The following NELFB variants were observed in gnomAD, a reference collection of about 807,000 sequenced individuals.
NELFB encodes the protein negative elongation factor B.
A neutral mutation model predicts 60.2 loss-of-function variants in NELFB; 34 were observed. The ratio of observed to expected loss-of-function variants is 0.56; its 90% confidence interval spans 0.43 to 0.75. The LOEUF (loss-of-function observed/expected upper bound fraction) is 0.75. Among genes scored for constraint, NELFB ranks in the 30% least tolerant of loss-of-function variants. The pLI, the probability that NELFB is intolerant of heterozygous loss-of-function variation, is 0.00. For synonymous variants in NELFB, 459 were observed against 382.1 expected (o/e 1.20, Z -2.35); for missense variants, 770 against 831.6 (o/e 0.93, Z 0.91).
At position 137,265,924 on chromosome 9, in the gene NELFB, C is replaced by T. The variant is rs752590442; in HGVS notation, c.1088C>T (p.Ala363Val). Residue 363 changes from alanine to valine, a missense_variant, in exon 7 of 13, where the codon GCA becomes GTA. Coordinates refer to ENST00000343053, the MANE Select transcript of NELFB (RefSeq NM_015456.5). Reference sequence around the variant, plus strand: ...GACCCCTTCGCCATCAACACGCTGGCACTGAGCACAGTCAGGCACCTGCAG... The same window carrying T: ...GACCCCTTCGCCATCAACACGCTGGTACTGAGCACAGTCAGGCACCTGCAG... 18 of 1,613,226 alleles carry T rather than the reference C, an allele frequency of 1.1e-5. No individual in the cohort carries two copies. The highest frequency in any genetic ancestry group is 1.5e-5 in the Non-Finnish European group (18 of 1,179,934).
At chr9:137,272,030 C>T in intron 10 of NELFB, 51 bp from the exon 11 acceptor site, 1 of 1,610,782 alleles carries the variant, frequency 6.2e-7, no homozygotes, top group Non-Finnish European at 8.5e-7. Context: ...AGGGTGCCCT[C>T]TGGGGTGGGC....
At chr9:137,259,604 C>T (rs1263662894) in intron 4 of NELFB, among the ~76,000 whole-genome samples, 4 of 151,988 alleles carry the variant, frequency 2.6e-5, no homozygotes, top group African/African-American at 7.3e-5. Flanking sequence ...GGAAATCAGT[C>T]GGCTTGGTCG....
At chr9:137,263,991 C>T (rs972348847) in intron 5 of NELFB, among the ~76,000 whole-genome samples, 2 of 152,238 alleles carry the variant, frequency 1.3e-5, no homozygotes, top group Non-Finnish European at 1.5e-5. Context: ...TGGCCACCCC[C>T]ACACTCAGGG....
At chr9:137,266,524 C>G in intron 8 of NELFB, 98 bp downstream of exon 8, 1 of 1,015,358 alleles carries the variant, frequency 9.8e-7, no homozygotes, top group Non-Finnish European at 1.5e-6. Flanking sequence ...TTGTGGAGGC[C>G]CCTTTGGTCC....
At chr9:137,266,122 C>A in intron 7 of NELFB, 143 bp downstream of exon 7, 1 of 785,790 alleles carries the variant, frequency 1.3e-6, no homozygotes, top group South Asian at 1.6e-5. Flanking sequence ...CTCTGGTGGT[C>A]GGGGATGTGG....
At chr9:137,257,754 G>A (rs559853453) in intron 4 of NELFB, among the ~76,000 whole-genome samples, 92 of 151,188 alleles carry the variant, frequency 6.1e-4, no homozygotes, top group Non-Finnish European at 1.2e-3. Context: ...CGCCCCCCTC[G>A]GCCTCCCAAA....
chr9:137,267,148 G>C (rs1374404800), intron 9 of NELFB, 62 bp downstream of exon 9: 7 of 1,611,926 alleles, frequency 4.3e-6, no homozygotes, highest in Non-Finnish European at 5.9e-6. Flanking sequence ...CTGTTGCCCA[G>C]GGGGCTGCCT....
chr9:137,272,007 G>A, intron 10 of NELFB, 74 bp from the exon 11 acceptor site: 1 of 1,588,606 alleles, frequency 6.3e-7, no homozygotes, highest in Non-Finnish European at 8.6e-7. Context: ...AGGTTCTGAG[G>A]TCTTTGAGGA....
Position 137,263,186 on chromosome 9 carries a change from C to T in NELFB, c.891C>T (p.Asp297=), listed in dbSNP as rs762855567. ...TGCTCATGTCCCTGCACGACCTGGA[C>T]GTGGGTGAAATCTGCACCGTGGACC... The change falls in exon 5 of 13, where the codon GAC becomes GAT. Residue 297 remains aspartate (D), a synonymous_variant. Transcript: ENST00000343053. 23 of 1,613,442 alleles carry T rather than the reference C, an allele frequency of 1.4e-5. No homozygotes were observed. Among genetic ancestry groups the T allele is most frequent in the East Asian group, 1.1e-4 (5 of 44,888 alleles).
At chr9:137,272,644 G>T in intron 12 of NELFB, 29 bp downstream of exon 12, 2 of 1,561,164 alleles carry the variant, frequency 1.3e-6, no homozygotes, top group East Asian at 2.4e-5. Context: ...TGCATCTGAA[G>T]GCACCTGGTC....
intron 4 of NELFB, among the ~76,000 whole-genome samples, chr9:137,258,237 C>T (rs1308815434): frequency 1.1e-4 from 17 of 150,410 alleles, no homozygotes; most frequent in Non-Finnish European, 8.9e-5. Flanking sequence ...AATCCTCCTA[C>T]CTCAGTCTCC....
intron 10 of NELFB, among the ~76,000 whole-genome samples, chr9:137,270,794 G>A (rs1830575428): frequency 2.6e-5 from 4 of 151,780 alleles, no homozygotes; most frequent in Admixed American, 2.6e-4. Flanking sequence ...GGTGGCGCAC[G>A]CGTGTAATCC....
Position 137,255,341 on chromosome 9 carries a change from C to CGCGGAGTCGCGCGGCGG in NELFB, c.-20_-4dup, listed in dbSNP as rs1157190001. On this transcript the variant is annotated 5_prime_UTR_variant, in exon 1 of 13. Coordinates refer to ENST00000343053, the MANE Select transcript of NELFB (RefSeq NM_015456.5). ...CGGAAGTGGGCGGCTGCGGGACGCG[C>CGCGGAGTCGCGCGGCGG]GCGGAGTCGCGCGGCGGGCGGGACC... is the stretch of plus-strand genomic sequence containing the variant. 3 of 369,692 alleles carry CGCGGAGTCGCGCGGCGG rather than the reference C, an allele frequency of 8.1e-6. No homozygotes were observed. The highest frequency in any genetic ancestry group is 1.4e-5 in the Non-Finnish European group (3 of 221,112). 22.9% of individuals were successfully genotyped at this position (369,692 alleles called of 1,614,324 possible).
chr9:137,263,757 G>A (rs1830485719), intron 5 of NELFB, among the ~76,000 whole-genome samples: 1 of 152,088 alleles, frequency 6.6e-6, no homozygotes, highest in Admixed American at 6.5e-5. Flanking sequence ...CCCGAGGGCT[G>A]TATGACCTAC....
At chr9:137,272,405 G>T (rs1830594373) in intron 11 of NELFB, 102 bp from the exon 12 acceptor site, 4 of 1,448,050 alleles carry the variant, frequency 2.8e-6, no homozygotes, top group Non-Finnish European at 3.7e-6. Context: ...CCAAAGGCTG[G>T]CCATGTCCTG....
chr9:137,262,247 G>A (rs577483141), intron 4 of NELFB, among the ~76,000 whole-genome samples: 5 of 152,126 alleles, frequency 3.3e-5, no homozygotes, highest in African/African-American at 7.2e-5. Context: ...AAACTCCCCC[G>A]GGGAAAGGGA....
chr9:137,268,573 G>A (rs535674635), intron 10 of NELFB, among the ~76,000 whole-genome samples: 121 of 152,244 alleles, frequency 7.9e-4, no homozygotes, highest in African/African-American at 2.6e-3. Flanking sequence ...GCGACAGAGC[G>A]AGACTCCGTC....
chr9:137,266,216 G>C (rs1010884101), intron 7 of NELFB, 115 bp from the exon 8 acceptor site: 1 of 920,124 alleles, frequency 1.1e-6, no homozygotes, highest in African/African-American at 1.7e-5. Flanking sequence ...GATCGCAGTC[G>C]TGTGGTCCTG....
At position 137,272,898 on chromosome 9, in the gene NELFB, C is replaced by T. The variant is rs1301502030; in HGVS notation, c.1857C>T (p.Leu619=). The change falls in exon 13 of 13, where the codon CTC becomes CTT. Residue 619 remains leucine (L), a synonymous_variant. Coordinates refer to ENST00000343053, the MANE Select transcript of NELFB (RefSeq NM_015456.5). ...AGACGCCGGCCCTGGAGCTGCCCCT[C>T]CCCAGCGTGCCCGCCCCTGCCCCGC... 1 of 1,543,376 alleles carries T rather than the reference C, an allele frequency of 6.5e-7. No individual in the cohort carries two copies.
Sources: gnomAD v4.1 joint callset for allele counts (sites outside exome capture counted in the v4.1 genomes callset) on GRCh38, gnomAD v4.1.1 for gene constraint, MANE v1.5 for transcripts, NCBI Gene and HGNC (gene_info 2026-07-23, HGNC 2026-07-21) for gene names.